SCML4: variants seen among roughly 807,000 people sequenced by gnomAD.
SCML4 encodes the protein Scm polycomb group protein like 4, also known as sex comb on midleg-like protein 4.
Under a neutral mutation model 41.1 loss-of-function variants are expected in SCML4, and 34 were observed. That is an observed-to-expected ratio of 0.83 (90% CI 0.63 to 1.10). SCML4 has a LOEUF of 1.10. SCML4 is among the 50% of genes least tolerant of loss of function. The pLI is 0.00. For missense variants in SCML4, 522 were observed against 534.1 expected (o/e 0.98, Z 0.22); for synonymous variants, 214 against 220.9 (o/e 0.97, Z 0.28).
At chr6:107,817,632 AAAAG>A (rs1335340898) in intron 1 of SCML4, among the ~76,000 whole-genome samples, 3,206 of 97,184 alleles carry the variant, frequency 0.033, 246 homozygotes, top group African/African-American at 0.14. Context: ...AAAAAAAAAA[AAAAG>A]AAAAAAAAAA....
intron 2 of SCML4, among the ~76,000 whole-genome samples, chr6:107,764,194 G>A (rs1481980708): frequency 6.6e-6 from 1 of 152,200 alleles, no homozygotes; most frequent in Non-Finnish European, 1.5e-5. Flanking sequence ...CTAGGAGTCA[G>A]CCTGTAACTG....
In SCML4 at chr6:107,711,022, CTT is replaced by C. The variant is rs1183200853; in HGVS notation, c.974-3013_974-3012del. Among the ~76,000 whole-genome samples the C allele has an allele frequency of 1.1e-4, 5 of 47,244 alleles. 1 individual carries two copies. The highest frequency in any genetic ancestry group is 2.5e-4 in the African/African-American group (3 of 12,012). 31.0% of individuals were successfully genotyped at this position (47,244 alleles called of 152,430 possible). ...TTTCCCTGGTGTCCCTGCACAAACT[CTT>C]TTTTTTTTTTTGAGATGAAGTCCCG... On this transcript the variant is annotated intron_variant, in intron 6 of 7. Coordinates refer to ENST00000369020, the MANE Select transcript of SCML4 (RefSeq NM_198081.5).
chr6:107,740,920 G>T (rs1328416029), intron 5 of SCML4, among the ~76,000 whole-genome samples: 3 of 152,290 alleles, frequency 2.0e-5, no homozygotes. Context: ...CCCATCCACT[G>T]TGAAGGGGAT....
At chr6:107,767,100 G>A (rs1022286962) in intron 2 of SCML4, among the ~76,000 whole-genome samples, 6 of 151,902 alleles carry the variant, frequency 3.9e-5, no homozygotes, top group Admixed American at 2.0e-4. Context: ...TGGGATTACT[G>A]ACACGCGCCA....
chr6:107,737,149 C>A (rs936353244), intron 5 of SCML4, among the ~76,000 whole-genome samples: 9 of 152,290 alleles, frequency 5.9e-5, no homozygotes, highest in African/African-American at 2.2e-4. Context: ...GCTGGGGACC[C>A]CCAGGTCTAT....
intron 2 of SCML4, among the ~76,000 whole-genome samples, chr6:107,755,152 C>G (rs1032336704): frequency 6.6e-6 from 1 of 151,870 alleles, no homozygotes; most frequent in African/African-American, 2.4e-5. Context: ...GAACCCACCT[C>G]AAATGAAGTA....
rs1288392325 is a variant in SCML4, at chr6:107,772,332, G to A, written c.-5C>T. 6.5e-7 allele frequency: 1 copy of A among 1,548,996 alleles called. No individual in the cohort carries two copies. The highest frequency in any genetic ancestry group is 2.4e-5 in the East Asian group (1 of 40,884). On this transcript the variant is annotated 5_prime_UTR_variant, in exon 2 of 8. Transcript: ENST00000369020. ...CGGGATCCTTTGAGACTGCATTTCT[G>A]CTGGTGCCAGTCTTACAGAATGAGG...
At chr6:107,788,423 A>G (rs1463693386) in intron 1 of SCML4, among the ~76,000 whole-genome samples, 1 of 152,162 alleles carries the variant, frequency 6.6e-6, no homozygotes, top group Non-Finnish European at 1.5e-5. Context: ...CTGGGTAATT[A>G]TTTTCTTTTG....
chr6:107,722,579 A>G (rs1384643677), intron 5 of SCML4, among the ~76,000 whole-genome samples: 2 of 152,208 alleles, frequency 1.3e-5, no homozygotes, highest in Non-Finnish European at 2.9e-5. Flanking sequence ...ACAACAACAA[A>G]AACCAATGGA....
intron 2 of SCML4, chr6:107,755,433 A>C (rs894821896): frequency 1.7e-5 from 3 of 180,368 alleles, no homozygotes; most frequent in Non-Finnish European, 3.7e-5. Context: ...TAATATAAAG[A>C]ATAAAAAGTA....
chr6:107,742,000 T>C (rs1777636383), intron 5 of SCML4, among the ~76,000 whole-genome samples: 1 of 152,132 alleles, frequency 6.6e-6, no homozygotes, highest in Non-Finnish European at 1.5e-5. Flanking sequence ...GAATTCAAAA[T>C]AGTAGTTTTA....
At chr6:107,716,767 T>C (rs187900497) in intron 6 of SCML4, among the ~76,000 whole-genome samples, 9 of 152,330 alleles carry the variant, frequency 5.9e-5, no homozygotes, top group Admixed American at 1.3e-4. Context: ...GGAATCATGG[T>C]TGCTAGGAAT....
chr6:107,801,553 GA>G (rs1235526078), intron 1 of SCML4, among the ~76,000 whole-genome samples: 2 of 152,094 alleles, frequency 1.3e-5, no homozygotes, highest in South Asian at 4.2e-4. Context: ...TAGTCTCATA[GA>G]AAAGTATGGT....
chr6:107,756,432 A>G (rs1467501670), intron 2 of SCML4, among the ~76,000 whole-genome samples: 2 of 152,204 alleles, frequency 1.3e-5, no homozygotes, highest in East Asian at 3.8e-4. Context: ...TTTACAAAAT[A>G]CCCAACCAGT....
At chr6:107,810,645 G>A (rs6568502) in intron 1 of SCML4, among the ~76,000 whole-genome samples, 8,186 of 152,076 alleles carry the variant, frequency 0.054, 749 homozygotes, top group African/African-American at 0.18. Flanking sequence ...GTAATAATAG[G>A]CCATTATGAA....
At chr6:107,832,168 G>C in the SCML4 span, among the ~76,000 whole-genome samples, 1 of 152,172 alleles carries the variant, frequency 6.6e-6, no homozygotes, top group Non-Finnish European at 1.5e-5. Flanking sequence ...GAACAAGGGA[G>C]GCAGAGGTTG....
chr6:107,804,011 A>C (rs143787044), intron 1 of SCML4, among the ~76,000 whole-genome samples: 1,872 of 150,554 alleles, frequency 0.012, 43 homozygotes, highest in African/African-American at 0.044. Context: ...ACCCTGCCAA[A>C]TCCCCCTCTG....
chr6:107,742,605 A>G (rs1176312586), intron 5 of SCML4, among the ~76,000 whole-genome samples: 1 of 152,242 alleles, frequency 6.6e-6, no homozygotes, highest in Non-Finnish European at 1.5e-5. Context: ...CAGACTTCTC[A>G]GTGGAAACCA....
intron 1 of SCML4, among the ~76,000 whole-genome samples, chr6:107,790,153 G>A (rs1038797310): frequency 5.9e-5 from 9 of 152,126 alleles, no homozygotes; most frequent in African/African-American, 2.2e-4. Flanking sequence ...AGCTGGAGGT[G>A]GGTGGGAGAT....
Sources: allele counts gnomAD v4.1 joint callset (sites outside exome capture counted in the v4.1 genomes callset), GRCh38; gene constraint gnomAD v4.1.1; transcripts MANE v1.5; gene names NCBI Gene and HGNC (gene_info 2026-07-23, HGNC 2026-07-21).